PCDHGB4: variants seen among roughly 807,000 people sequenced by gnomAD.
The protein encoded by PCDHGB4 is protocadherin gamma-B4.
In PCDHGB4, 38 loss-of-function variants were observed where a neutral mutation model predicts 60.5. That is an observed-to-expected ratio of 0.63 (90% CI 0.48 to 0.82). The LOEUF is 0.82. Among genes scored for constraint, PCDHGB4 ranks in the 40% least tolerant of loss-of-function variants. The pLI is 0.00. For missense variants in PCDHGB4, 1,109 were observed against 1,209.6 expected, an observed-to-expected ratio of 0.92 and a Z score of 1.23; for synonymous variants, 456 against 509.7, an observed-to-expected ratio of 0.89 and a Z score of 1.42.
At chr5:141,400,789 CTT>C in intron 1 of PCDHGB4, 1 of 561,962 alleles carries the variant, frequency 1.8e-6, no homozygotes, top group Non-Finnish European at 3.1e-6. Flanking sequence ...TTTTTGTCCT[CTT>C]TCTCAAAGCT....
At chr5:141,410,666 T>C (rs376209053) in intron 1 of PCDHGB4, 1 of 1,566,008 alleles carries the variant, frequency 6.4e-7, no homozygotes, top group Non-Finnish European at 8.6e-7. Flanking sequence ...AGTCTACTAG[T>C]TTCTCATATT....
At chr5:141,399,915 C>T in intron 1 of PCDHGB4, 1 of 1,612,364 alleles carries the variant, frequency 6.2e-7, no homozygotes, top group Non-Finnish European at 8.5e-7. Flanking sequence ...ACTCAGGACA[C>T]AACGCCTGGC....
Position 141,490,602 on chromosome 5 carries a change from C to G in PCDHGB4, c.2398-4205C>G, listed in dbSNP as rs1249440194. On this transcript the variant is annotated intron_variant, in intron 1 of 3. Transcript: ENST00000519479. This position sits in a 1 kb window ranked among gnomAD's most constrained non-coding sequence, Gnocchi z 5.4. Reference sequence around the variant, plus strand: ...ATGTCAATGACAATGCACCCCGCTTCAACCAGCAGCTTTACACTGCTTACA... The same window carrying G: ...ATGTCAATGACAATGCACCCCGCTTGAACCAGCAGCTTTACACTGCTTACA... The G allele has an allele frequency of 6.2e-7, 1 of 1,614,084 alleles. No individual in the cohort carries two copies. Among genetic ancestry groups the G allele is most frequent in the African/African-American group, 1.3e-5 (1 of 74,930 alleles).
intron 1 of PCDHGB4, chr5:141,479,646 A>G (rs2099501987): frequency 6.6e-6 from 1 of 152,256 alleles, no homozygotes; most frequent in Admixed American, 6.5e-5. Context: ...CAACAACAAC[A>G]ACAACAATCC....
In PCDHGB4 at chr5:141,390,173, T is replaced by C. The variant is rs1212038164; in HGVS notation, c.2289T>C (p.Asn763=). 6.2e-7 allele frequency: 1 copy of C among 1,613,616 alleles called. No individual in the cohort carries two copies. ...CACATACAGGAAAGACGGAGTTTAATTTCCTAAAATGTAGTGAGCAGTTGA... is the reference window on the plus strand; with the variant it reads ...CACATACAGGAAAGACGGAGTTTAACTTCCTAAAATGTAGTGAGCAGTTGA... ...CVAHTGKTEF[N]FLKCSEQLSS... Residue 763 remains asparagine (N), a synonymous_variant, in exon 1 of 4, where the codon AAT becomes AAC. Transcript: ENST00000519479.
At chr5:141,492,576 G>A (rs2099742137) in intron 1 of PCDHGB4, among the ~76,000 whole-genome samples, 1 of 152,234 alleles carries the variant, frequency 6.6e-6, no homozygotes, top group Admixed American at 6.5e-5. Context: ...AGCGAGGCGC[G>A]GGGCCAGGAG....
chr5:141,478,271 A>G, intron 1 of PCDHGB4: 1 of 1,614,170 alleles, frequency 6.2e-7, no homozygotes, highest in Non-Finnish European at 8.5e-7. Flanking sequence ...CAAAGTTTAC[A>G]AGTGGAAGCA....
chr5:141,389,196 C>T lies in PCDHGB4; in HGVS notation c.1312C>T (p.Leu438=). ...CCTCTCCTCCAGTTCCAGCATCACC[C>T]TGCACATTGGTGATGTAAATGACAA... ...PPLSSSSSIT[L]HIGDVNDNAP... is the part of the protein sequence containing the mutation. Residue 438 remains leucine, a synonymous_variant, in exon 1 of 4, where the codon CTG becomes TTG. Coordinates refer to ENST00000519479, the MANE Select transcript of PCDHGB4 (RefSeq NM_003736.4). 6.2e-7 allele frequency: 1 copy of T among 1,614,048 alleles called. No homozygotes were observed. Among genetic ancestry groups the T allele is most frequent in the South Asian group, 1.1e-5 (1 of 91,086 alleles).
chr5:141,469,992 G>T (rs894673835), intron 1 of PCDHGB4, among the ~76,000 whole-genome samples: 2 of 152,056 alleles, frequency 1.3e-5, no homozygotes, highest in Non-Finnish European at 2.9e-5. Context: ...TTAGCTGGTC[G>T]TCGTGGCACG....
chr5:141,487,143 C>T lies in PCDHGB4; in HGVS notation c.2398-7664C>T. Reference sequence around the variant, plus strand: ...GATAGTGGTAGTCCACCACTCTCTACCTCTGTTACTCTCTTAGTGTCCTTA... The same window carrying T: ...GATAGTGGTAGTCCACCACTCTCTATCTCTGTTACTCTCTTAGTGTCCTTA... On this transcript the variant is annotated intron_variant, in intron 1 of 3. Coordinates refer to ENST00000519479, the MANE Select transcript of PCDHGB4 (RefSeq NM_003736.4). This position sits in a 1 kb window ranked among gnomAD's most constrained non-coding sequence, Gnocchi z 5.0. 1.2e-6 allele frequency: 2 copies of T among 1,614,028 alleles called. No homozygotes were observed. Among genetic ancestry groups the T allele is most frequent in the Non-Finnish European group, 1.7e-6 (2 of 1,179,862 alleles).
rs201160783 is a variant in PCDHGB4, at chr5:141,418,846, A to G, written c.2397+28565A>G. The G allele has an allele frequency of 7.4e-5, 120 of 1,613,976 alleles. No homozygotes were observed. In the East Asian group the frequency reaches 2.6e-3, roughly 34 times the overall value. On this transcript the variant is annotated intron_variant, in intron 1 of 3. Transcript: ENST00000519479. Reference sequence around the variant, plus strand: ...CAAAAGACCGAGGATCTCTCTCAACACGGTGTAAAGTAATTGTAGAAGTTG... The same window carrying G: ...CAAAAGACCGAGGATCTCTCTCAACGCGGTGTAAAGTAATTGTAGAAGTTG...
chr5:141,427,139 T>C (rs1430333586), intron 1 of PCDHGB4: 2 of 456,952 alleles, frequency 4.4e-6, no homozygotes, highest in East Asian at 1.4e-4. Context: ...TACGAGATGA[T>C]ATTGGAAATA....
Position 141,477,286 on chromosome 5 carries a change from A to G in PCDHGB4, c.2398-17521A>G, listed in dbSNP as rs1367207950. 1.9e-6 allele frequency: 3 copies of G among 1,614,194 alleles called. No individual in the cohort carries two copies. Among genetic ancestry groups the G allele is most frequent in the Non-Finnish European group, 8.5e-7 (1 of 1,180,034 alleles). ...GCGAGAACGGGCTGGTGACCTGCGA[A>G]GTTCCACCGGGTCTCCCTTTCAGCC... On this transcript the variant is annotated intron_variant, in intron 1 of 3. Coordinates refer to ENST00000519479, the MANE Select transcript of PCDHGB4 (RefSeq NM_003736.4). The surrounding 1 kb of genome is among the most constrained non-coding windows in gnomAD (Gnocchi z 4.9).
At chr5:141,422,141 G>A (rs1441509284) in intron 1 of PCDHGB4, 9 of 1,583,068 alleles carry the variant, frequency 5.7e-6, no homozygotes, top group Middle Eastern at 1.7e-4. Context: ...GTTCAAGTAC[G>A]GGGGTCTCTG....
chr5:141,419,852 G>A, intron 1 of PCDHGB4: 1 of 1,614,066 alleles, frequency 6.2e-7, no homozygotes, highest in Non-Finnish European at 8.5e-7. Flanking sequence ...CCTGGTGTTC[G>A]CAGATAGCTT....
Position 141,399,568 on chromosome 5 carries a change from G to A in PCDHGB4, c.2397+9287G>A, listed in dbSNP as rs776963716. ...CTCGGACCTGGACTTGGGGTTGAAC[G>A]GCCAAGTCTCCTACTCTATCATGGC... is the stretch of plus-strand genomic sequence containing the variant. On this transcript the variant is annotated intron_variant, in intron 1 of 3. Transcript: ENST00000519479. The A allele has an allele frequency of 3.1e-6, 5 of 1,613,926 alleles. No individual in the cohort carries two copies. The East Asian group carries it at 8.9e-5, about 29-fold the overall frequency.
intron 3 of PCDHGB4, among the ~76,000 whole-genome samples, chr5:141,510,204 C>T (rs1403130911): frequency 1.3e-5 from 2 of 150,304 alleles, no homozygotes; most frequent in Admixed American, 1.3e-4. Flanking sequence ...GCCCAGGAGG[C>T]AGAGGTTGCA....
chr5:141,413,965 C>G (rs2095696868), intron 1 of PCDHGB4: 2 of 1,613,292 alleles, frequency 1.2e-6, no homozygotes, highest in East Asian at 2.2e-5. Context: ...TGTGGGCACT[C>G]AGCTGCTGAC....
intron 1 of PCDHGB4, among the ~76,000 whole-genome samples, chr5:141,430,143 A>C (rs1451633366): frequency 2.0e-5 from 3 of 152,180 alleles, no homozygotes; most frequent in Non-Finnish European, 4.4e-5. Flanking sequence ...TCCATTCAGG[A>C]TCATTCAAGG....
Sources: gnomAD v4.1 joint callset for allele counts (sites outside exome capture counted in the v4.1 genomes callset) on GRCh38, gnomAD v4.1.1 for gene constraint, Gnocchi (gnomAD v3.1) non-coding constraint, MANE v1.5 for transcripts, NCBI Gene and HGNC (gene_info 2026-07-23, HGNC 2026-07-21) for gene names.